Variants in CSNK1G3 observed in about 807,000 individuals in gnomAD.
CSNK1G3 encodes the protein casein kinase I isoform gamma-3.
A neutral mutation model predicts 64.3 loss-of-function variants in CSNK1G3; 23 were observed. The ratio of observed to expected loss-of-function variants is 0.36; its 90% CI spans 0.26 to 0.51. The LOEUF (loss-of-function observed/expected upper bound fraction) is 0.51. Among genes scored for constraint, CSNK1G3 ranks in the 20% least tolerant of loss-of-function variants. The pLI, the probability that CSNK1G3 is intolerant of heterozygous loss-of-function variation, is 0.96. For missense variants in CSNK1G3, 357 were observed against 510.5 expected (o/e 0.70, Z 2.90); for synonymous variants, 158 against 162.2 (o/e 0.97, Z 0.20).
chr5:123,616,836 A>G (rs1302239981), exon 13 of CSNK1G3: 2 of 152,222 alleles, frequency 1.3e-5, no homozygotes, highest in Admixed American at 1.3e-4. Context: ...TAAGATAGGA[A>G]TTATAAAAAT....
chr5:123,597,868 A>G (rs530027793), intron 10 of CSNK1G3, among the ~76,000 whole-genome samples: 85 of 152,292 alleles, frequency 5.6e-4, no homozygotes, highest in Non-Finnish European at 9.9e-4. Context: ...TAATTTAAAA[A>G]GTATTTAGCA....
chr5:123,567,607 A>C (rs970186122), intron 4 of CSNK1G3, among the ~76,000 whole-genome samples: 7 of 152,072 alleles, frequency 4.6e-5, no homozygotes. Flanking sequence ...CTCCATTTTA[A>C]AAAAAAATAT....
intron 4 of CSNK1G3, among the ~76,000 whole-genome samples, chr5:123,569,250 A>T (rs1056373018): frequency 3.3e-5 from 5 of 152,170 alleles, no homozygotes; most frequent in Non-Finnish European, 5.9e-5. Context: ...TTCCTCCAAA[A>T]ATGTGCTGCT....
chr5:123,614,432 A>G (rs753989505), exon 13 of CSNK1G3: 10 of 1,581,352 alleles, frequency 6.3e-6, no homozygotes, highest in South Asian at 2.3e-5. Flanking sequence ...AGTTACTTAC[A>G]TGTTCATCTG....
intron 4 of CSNK1G3, among the ~76,000 whole-genome samples, chr5:123,558,839 C>T (rs961087008): frequency 1.2e-4 from 19 of 152,212 alleles, no homozygotes; most frequent in East Asian, 7.7e-4. Flanking sequence ...GGGTATAAAA[C>T]GAATTTATTG....
intron 2 of CSNK1G3, among the ~76,000 whole-genome samples, chr5:123,547,659 T>G (rs936405974): frequency 1.3e-5 from 2 of 152,170 alleles, no homozygotes; most frequent in Non-Finnish European, 2.9e-5. Flanking sequence ...CTATTCTATC[T>G]ATCTAATTTG....
chr5:123,568,502 A>G (rs1034058135), intron 4 of CSNK1G3, among the ~76,000 whole-genome samples: 1 of 152,242 alleles, frequency 6.6e-6, no homozygotes, highest in Non-Finnish European at 1.5e-5. Context: ...ATGTTTGCTC[A>G]GCTCATGAGG....
chr5:123,605,729 T>TA (rs1401946640), intron 12 of CSNK1G3, among the ~76,000 whole-genome samples: 1 of 152,106 alleles, frequency 6.6e-6, no homozygotes, highest in Non-Finnish European at 1.5e-5. Context: ...TTGCAATTGT[T>TA]AAATACATGT....
At chr5:123,616,397 G>C (rs1227441867) in exon 13 of CSNK1G3, 2 of 152,510 alleles carry the variant, frequency 1.3e-5, no homozygotes, top group African/African-American at 2.4e-5. Flanking sequence ...GGATTGTACA[G>C]TGTTTATATG....
At chr5:123,514,555 C>G (rs1311982005) in intron 1 of CSNK1G3, among the ~76,000 whole-genome samples, 1 of 152,098 alleles carries the variant, frequency 6.6e-6, no homozygotes, top group Non-Finnish European at 1.5e-5. Flanking sequence ...AGAGGTAATT[C>G]ACAGATTCCT....
intron 1 of CSNK1G3, among the ~76,000 whole-genome samples, chr5:123,529,805 G>C (rs920647085): frequency 6.6e-6 from 1 of 151,958 alleles, no homozygotes; most frequent in African/African-American, 2.4e-5. Context: ...GCTTTTCTGG[G>C]TTTAGGTACA....
chr5:123,547,571 G>T (rs1782775425), intron 2 of CSNK1G3, among the ~76,000 whole-genome samples: 1 of 152,040 alleles, frequency 6.6e-6, no homozygotes, highest in South Asian at 2.1e-4. Context: ...CTGAAAAAGA[G>T]GTAAAGCACC....
intron 1 of CSNK1G3, among the ~76,000 whole-genome samples, chr5:123,536,111 G>C (rs1200596067): frequency 6.6e-6 from 1 of 152,058 alleles, no homozygotes; most frequent in Non-Finnish European, 1.5e-5. Flanking sequence ...TATGTAAAAT[G>C]AACCAATCCA....
intron 12 of CSNK1G3, among the ~76,000 whole-genome samples, chr5:123,605,944 T>C (rs1298089065): frequency 6.6e-6 from 1 of 152,092 alleles, no homozygotes; most frequent in African/African-American, 2.4e-5. Context: ...AGATTTAAAT[T>C]ATTTTCTGAC....
chr5:123,598,955 A>G (rs922964679), intron 10 of CSNK1G3, among the ~76,000 whole-genome samples: 28 of 152,162 alleles, frequency 1.8e-4, no homozygotes, highest in African/African-American at 6.8e-4. Context: ...TTAGTTGGGT[A>G]TGGGGCTGAC....
chr5:123,587,170 T>C (rs1791483938), intron 6 of CSNK1G3, among the ~76,000 whole-genome samples: 1 of 152,214 alleles, frequency 6.6e-6, no homozygotes, highest in African/African-American at 2.4e-5. Context: ...TTTCTGACCC[T>C]TCATCCTAGT....
At chr5:123,589,219 G>A (rs1439153788) in intron 8 of CSNK1G3, among the ~76,000 whole-genome samples, 3 of 152,032 alleles carry the variant, frequency 2.0e-5, no homozygotes, top group Admixed American at 6.6e-5. Flanking sequence ...TATAATGCTG[G>A]CGTTATTAAT....
At chr5:123,603,911 A>G (rs1386442228) in intron 10 of CSNK1G3, among the ~76,000 whole-genome samples, 3 of 152,088 alleles carry the variant, frequency 2.0e-5, no homozygotes, top group Admixed American at 6.6e-5. Context: ...TTCTAAGTGA[A>G]ACGGGAAGCC....
intron 6 of CSNK1G3, among the ~76,000 whole-genome samples, chr5:123,582,782 A>G (rs780040324): frequency 2.0e-5 from 3 of 152,178 alleles, no homozygotes; most frequent in Non-Finnish European, 4.4e-5. Context: ...TTCATGTAAA[A>G]GAACTGTTAA....
Sources: gnomAD v4.1 joint callset for allele counts (sites outside exome capture counted in the v4.1 genomes callset) on GRCh38, gnomAD v4.1.1 for gene constraint, MANE v1.5 for transcripts, NCBI Gene and HGNC (gene_info 2026-07-23, HGNC 2026-07-21) for gene names.